The following PMM1 variants were observed in gnomAD, a reference collection of about 807,000 sequenced individuals.
PMM1 encodes brain glucose-1,6-bisphosphatase.
A neutral mutation model predicts 34.0 loss-of-function variants in PMM1; 25 were observed. The ratio of observed to expected loss-of-function variants is 0.73; its 90% CI spans 0.54 to 1.03. The LOEUF (loss-of-function observed/expected upper bound fraction) is 1.03. Ranked by LOEUF, PMM1 falls within the 50% of genes least tolerant of loss-of-function variation. The probability of loss-of-function intolerance (pLI) is 0.00; values close to 1 mark genes in which losing one functional copy is unlikely to be tolerated. For synonymous variants in PMM1, 134 were observed against 143.9 expected (o/e 0.93, Z 0.49); for missense variants, 321 against 350.1 (o/e 0.92, Z 0.66).
chr22:41,585,742 C>T (rs2067300275), intron 2 of PMM1, among the ~76,000 whole-genome samples: 1 of 152,184 alleles, frequency 6.6e-6, no homozygotes, highest in African/African-American at 2.4e-5. Context: ...ATCCATCCGC[C>T]TCGGCCTCCC....
At position 41,577,153 on chromosome 22, in the gene PMM1, C is replaced by A. The variant is rs2067182827; in HGVS notation, c.*165G>T. On this transcript the variant is annotated 3_prime_UTR_variant, in exon 8 of 8. Transcript: ENST00000216259. ...CGAAGCCAGTGCCACTAGGAGCAGA[C>A]TGGCTGGGGACGGTTGTCCACACAG... is the stretch of plus-strand genomic sequence containing the variant. 1.1e-6 allele frequency: 1 copy of A among 891,996 alleles called. No individual in the cohort carries two copies. Among genetic ancestry groups the A allele is most frequent in the Non-Finnish European group, 1.8e-6 (1 of 562,346 alleles). The allele number at this position is 891,996 out of a possible 1,614,324, so 55.3% of individuals were successfully genotyped here.
intron 1 of PMM1, chr22:41,586,473 T>A: frequency 2.4e-6 from 1 of 417,446 alleles, no homozygotes; most frequent in Non-Finnish European, 4.1e-6. Flanking sequence ...AAAAAAAAAT[T>A]TTTTTGGAGA....
intron 5 of PMM1, among the ~76,000 whole-genome samples, chr22:41,583,591 G>A (rs745831958): frequency 1.4e-4 from 22 of 152,148 alleles, no homozygotes; most frequent in Non-Finnish European, 2.6e-4. Context: ...GGCAGCCTGG[G>A]GCTGGGGAAA....
rs371950769 is a variant in PMM1, at chr22:41,582,771, G to A, written c.474+1188C>T. Reference sequence around the variant, plus strand: ...AGAAGTGTGCTCTGACAGAGGCACAGCACTCTAGAATCAGCCAAGAGGCCA... The same window carrying A: ...AGAAGTGTGCTCTGACAGAGGCACAACACTCTAGAATCAGCCAAGAGGCCA... On this transcript the variant is annotated intron_variant, in intron 5 of 7. Coordinates refer to ENST00000216259, the MANE Select transcript of PMM1 (RefSeq NM_002676.3). Among the ~76,000 whole-genome samples, 4 of 152,268 alleles carry A rather than the reference G, an allele frequency of 2.6e-5. No individual in the cohort carries two copies. The South Asian group carries it at 6.2e-4, about 24-fold the overall frequency.
Position 41,577,281 on chromosome 22 carries a change from C to G in PMM1, c.*37G>C. ...GACCTCTCTTTAGGCCTAGGCCAAA[C>G]TCTTCAGAAGTCACGACACACAGAT... is the stretch of plus-strand genomic sequence containing the variant. On this transcript the variant is annotated 3_prime_UTR_variant, in exon 8 of 8. Transcript: ENST00000216259. 1 of 1,611,862 alleles carries G rather than the reference C, an allele frequency of 6.2e-7. No homozygotes were observed. Among genetic ancestry groups the G allele is most frequent in the Non-Finnish European group, 8.5e-7 (1 of 1,179,900 alleles).
chr22:41,588,271 G>A (rs1332517434), intron 1 of PMM1, among the ~76,000 whole-genome samples: 4 of 152,230 alleles, frequency 2.6e-5, no homozygotes, highest in African/African-American at 9.6e-5. Flanking sequence ...CCAGGCTGTA[G>A]TGCAATGGCA....
intron 6 of PMM1, 110 bp from the exon 7 acceptor site, chr22:41,578,033 G>A: frequency 1.3e-6 from 1 of 760,310 alleles, no homozygotes; most frequent in South Asian, 1.6e-5. Context: ...GCCTACTGAG[G>A]GCCAGGAATA....
intron 1 of PMM1, among the ~76,000 whole-genome samples, chr22:41,587,226 C>T (rs568832956): frequency 6.0e-5 from 9 of 149,018 alleles, no homozygotes; most frequent in African/African-American, 1.7e-4. Context: ...GCTGAGATCA[C>T]GCCACTGCAC....
chr22:41,584,038 C>T lies in PMM1; in HGVS notation c.395G>A (p.Arg132Gln), dbSNP rs751719510. 1.2e-5 allele frequency: 19 copies of T among 1,613,674 alleles called. No individual in the cohort carries two copies. The highest frequency in any genetic ancestry group is 2.7e-5 in the African/African-American group (2 of 74,902). Reference sequence around the variant, plus strand: ...GGGCGAGATGTTCAGCATGCCATTCCGGAACTCGATGAAGGTTCCACTGGT... The same window carrying T: ...GGGCGAGATGTTCAGCATGCCATTCTGGAACTCGATGAAGGTTCCACTGGT... ...PKKRGTFIEFRNGMLNISPIG... is the reference protein window; with the variant it reads ...PKKRGTFIEFQNGMLNISPIG... Residue 132 changes from arginine to glutamine, a missense_variant, in exon 5 of 8, where the codon CGG becomes CAG. By Grantham distance (43) the Arg-to-Gln change is conservative. Transcript: ENST00000216259.
intron 5 of PMM1, 73 bp downstream of exon 5, chr22:41,583,886 A>G (rs2067274550): frequency 1.1e-6 from 1 of 940,834 alleles, no homozygotes; most frequent in African/African-American, 1.6e-5. Flanking sequence ...TATTTTACTG[A>G]TGAGAAAATA....
At chr22:41,588,432 G>A (rs2067338293) in intron 1 of PMM1, among the ~76,000 whole-genome samples, 1 of 152,218 alleles carries the variant, frequency 6.6e-6, no homozygotes, top group African/African-American at 2.4e-5. Context: ...TATTGGTCAG[G>A]CTGGTCTTAA....
chr22:41,577,656 G>C (rs1266413717), intron 7 of PMM1, 152 bp downstream of exon 7: 1 of 752,358 alleles, frequency 1.3e-6, no homozygotes, highest in Non-Finnish European at 2.2e-6. Context: ...GGGCTGGTGA[G>C]CAATGGTTGT....
chr22:41,588,291 C>T (rs981254714), intron 1 of PMM1, among the ~76,000 whole-genome samples: 1 of 152,262 alleles, frequency 6.6e-6, no homozygotes, highest in Admixed American at 6.5e-5. Flanking sequence ...ACATTCTCGG[C>T]TCACTGCAAC....
chr22:41,578,999 T>C, intron 5 of PMM1, 118 bp from the exon 6 acceptor site: 11 of 795,192 alleles, frequency 1.4e-5, no homozygotes, highest in Middle Eastern at 5.8e-4. Context: ...CCCCCAACTG[T>C]GCAGATGCGC....
chr22:41,585,000 C>T (rs181176859), intron 2 of PMM1: 144 of 159,044 alleles, frequency 9.1e-4, no homozygotes, highest in Non-Finnish European at 6.5e-4. Context: ...TAGCTGCCAT[C>T]GCACTGGGTT....
intron 7 of PMM1, 118 bp from the exon 8 acceptor site, chr22:41,577,558 AC>A (rs1413635904): frequency 1.3e-5 from 16 of 1,205,924 alleles, no homozygotes; most frequent in Non-Finnish European, 1.8e-5. Flanking sequence ...CCACCTTCTC[AC>A]CCCTTGTCAG....
chr22:41,586,136 C>A lies in PMM1; in HGVS notation c.145G>T (p.Gly49Cys). 6.2e-7 allele frequency: 1 copy of A among 1,605,660 alleles called. No homozygotes were observed. The highest frequency in any genetic ancestry group is 8.5e-7 in the Non-Finnish European group (1 of 1,176,740). Reference sequence around the variant, plus strand: ...CAGTAGTCAGAGCCGCCCACCACACCGATCTGCACTCTACTTCGTAGCTTC... The same window carrying A: ...CAGTAGTCAGAGCCGCCCACCACACAGATCTGCACTCTACTTCGTAGCTTC... ...LQKLRSRVQIGVVGGSDYCKI... is the reference protein window; with the variant it reads ...LQKLRSRVQICVVGGSDYCKI... Residue 49 changes from glycine (G) to cysteine (C), a missense_variant, in exon 2 of 8, where the codon GGT (glycine) becomes TGT (cysteine). Coordinates refer to ENST00000216259, the MANE Select transcript of PMM1 (RefSeq NM_002676.3).
Position 41,577,933 on chromosome 22 carries a change from G to T in PMM1, c.551-10C>A. ...AAGCTGATCATGCCTCCTGTGGGCA[G>T]GGGTGGGGACTGTTATTCCCTGCTG... On this transcript the variant is annotated splice_polypyrimidine_tract_variant and intron_variant, in intron 6 of 7. Transcript: ENST00000216259. 6.3e-7 allele frequency: 1 copy of T among 1,598,756 alleles called. No homozygotes were observed. Among genetic ancestry groups the T allele is most frequent in the East Asian group, 2.2e-5 (1 of 44,826 alleles).
intron 2 of PMM1, 64 bp from the exon 3 acceptor site, chr22:41,584,667 G>C: frequency 8.1e-7 from 1 of 1,231,058 alleles, no homozygotes; most frequent in Non-Finnish European, 1.2e-6. Context: ...GACCCCACGG[G>C]CAAGTAAAGA....
Sources: gnomAD v4.1 joint callset for allele counts (sites outside exome capture counted in the v4.1 genomes callset) on GRCh38, gnomAD v4.1.1 for gene constraint, MANE v1.5 for transcripts, NCBI Gene and HGNC (gene_info 2026-07-23, HGNC 2026-07-21) for gene names.